LHX4: variants seen among roughly 807,000 people sequenced by gnomAD.
LHX4 encodes the protein LIM homeobox 4.
A neutral mutation model predicts 39.2 loss-of-function variants in LHX4; 16 were observed. The observed-to-expected ratio is 0.41, with a 90% CI of 0.28 to 0.62. The LOEUF is 0.62. LHX4 is among the 20% of genes least tolerant of loss of function. The pLI is 0.33. For missense variants in LHX4, 439 were observed against 511.9 expected (o/e 0.86, Z 1.37); for synonymous variants, 206 against 198.1 (o/e 1.04, Z -0.33).
rs373681851 is a variant in LHX4 at position 180,230,504 on chromosome 1, T to C, written c.-26T>C. 19 of 1,600,266 alleles carry C rather than the reference T, an allele frequency of 1.2e-5. No individual in the cohort carries two copies. In the African/African-American group the frequency reaches 2.5e-4, roughly 21 times the overall value. On this transcript the variant is annotated 5_prime_UTR_variant, in exon 1 of 6. Transcript: ENST00000263726. The surrounding 1 kb of genome is among the most constrained non-coding windows in gnomAD (Gnocchi z 5.8). ...GAGAGAGCGAGAGATCTCCGTAGACTGCGACTCGCTGGCTTTCGCTCCGAG... is the reference window on the plus strand; with the variant it reads ...GAGAGAGCGAGAGATCTCCGTAGACCGCGACTCGCTGGCTTTCGCTCCGAG...
At chr1:180,247,528 A>C (rs1402451890) in intron 1 of LHX4, among the ~76,000 whole-genome samples, 1 of 152,172 alleles carries the variant, frequency 6.6e-6, no homozygotes, top group Non-Finnish European at 1.5e-5. Flanking sequence ...CCCCTCAGCT[A>C]TCCTGACATT....
At chr1:180,268,501 G>A (rs899746249) in intron 3 of LHX4, among the ~76,000 whole-genome samples, 6 of 152,200 alleles carry the variant, frequency 3.9e-5, no homozygotes, top group Non-Finnish European at 8.8e-5. Context: ...TCAGAAGCTG[G>A]CTGGGCATCC....
At chr1:180,231,069 C>T (rs920284213) in intron 1 of LHX4, among the ~76,000 whole-genome samples, 1 of 152,062 alleles carries the variant, frequency 6.6e-6, no homozygotes, top group African/African-American at 2.4e-5. Context: ...GGCGGAGAAG[C>T]CCCGGCCACA....
At chr1:180,269,360 A>AT (rs1405494029) in intron 3 of LHX4, among the ~76,000 whole-genome samples, 2 of 152,010 alleles carry the variant, frequency 1.3e-5, no homozygotes, top group Admixed American at 1.3e-4. Context: ...TTTTGGGTAC[A>AT]TTTTTCAGCA....
upstream of LHX4, among the ~76,000 whole-genome samples, chr1:180,229,965 G>GGGGGGGGC (rs1558204928): frequency 0.033 from 406 of 12,144 alleles, 38 homozygotes; most frequent in Middle Eastern, 0.17. Context: ...GAGGCGGGGA[G>GGGGGGGGC]GGGGGGGGGG....
In LHX4 at chr1:180,271,484, G is replaced by T; in HGVS notation, c.556G>T (p.Val186Leu). The change falls in exon 4 of 6, where the codon GTG (valine) becomes TTG (leucine). Residue 186 changes from valine (V) to leucine (L), a missense_variant. Coordinates refer to ENST00000263726, the MANE Select transcript of LHX4 (RefSeq NM_033343.4). ...GAACTCCCCCAAGCCTGCCCGGCAC[G>T]TGAGGGAGCAGCTGTCCTCAGAGAC... ...YKNSPKPARHVREQLSSETGL... is the reference protein window; with the variant it reads ...YKNSPKPARHLREQLSSETGL... 1 of 1,614,174 alleles carries T rather than the reference G, an allele frequency of 6.2e-7. No individual in the cohort carries two copies. Among genetic ancestry groups the T allele is most frequent in the Non-Finnish European group, 8.5e-7 (1 of 1,180,032 alleles).
intron 2 of LHX4, among the ~76,000 whole-genome samples, chr1:180,259,128 GAGGAGC>G (rs1334651331): frequency 1.3e-5 from 2 of 152,020 alleles, no homozygotes; most frequent in East Asian, 1.9e-4. Context: ...GTGGGAGGAG[GAGGAGC>G]AGGAGCAGAG....
chr1:180,242,999 T>C (rs1341094366), intron 1 of LHX4, among the ~76,000 whole-genome samples: 1 of 152,184 alleles, frequency 6.6e-6, no homozygotes, highest in Non-Finnish European at 1.5e-5. Context: ...TACAACTTTC[T>C]TTCTTTTCTT....
Position 180,271,441 on chromosome 1 carries a change from A to C in LHX4, c.513A>C (p.Thr171=). The C allele has an allele frequency of 6.2e-7, 1 of 1,614,172 alleles. No individual in the cohort carries two copies. Among genetic ancestry groups the C allele is most frequent in the Non-Finnish European group, 8.5e-7 (1 of 1,180,020 alleles). ...CCATCACAGCCAAGCAGCTGGAGAC[A>C]TTAAAGAATGCATACAAGAACTCCC... The part of the protein sequence containing the change: ...RTTITAKQLE[T]LKNAYKNSPK... The change falls in exon 4 of 6, where the codon ACA becomes ACC. Residue 171 remains threonine, a synonymous_variant. Coordinates refer to ENST00000263726, the MANE Select transcript of LHX4 (RefSeq NM_033343.4).
rs1045811187 is a variant in LHX4, at chr1:180,232,533, C to A, written c.76+1928C>A. 2.6e-5 allele frequency among the ~76,000 whole-genome samples: 4 copies of A among 152,300 alleles called. No individual in the cohort carries two copies. The East Asian group carries it at 7.7e-4, about 29-fold the overall frequency. On this transcript the variant is annotated intron_variant, in intron 1 of 5. Transcript: ENST00000263726. This position sits in a 1 kb window ranked among gnomAD's most constrained non-coding sequence, Gnocchi z 5.4. Reference sequence around the variant, plus strand: ...CAAAGGAACTTCCACACCCACCCCCCCAGGGTGGCCCAGGGAGGCAATGTC... The same window carrying A: ...CAAAGGAACTTCCACACCCACCCCCACAGGGTGGCCCAGGGAGGCAATGTC...
At chr1:180,242,500 A>G (rs548956821) in intron 1 of LHX4, among the ~76,000 whole-genome samples, 24 of 151,826 alleles carry the variant, frequency 1.6e-4, no homozygotes, top group African/African-American at 4.6e-4. Context: ...ATCTGTGTGT[A>G]TATATATATA....
intron 4 of LHX4, 100 bp from the exon 5 acceptor site, chr1:180,271,735 C>G: frequency 7.1e-7 from 1 of 1,404,444 alleles, no homozygotes; most frequent in East Asian, 2.3e-5. Flanking sequence ...GTGCTCCATT[C>G]AGGCTTCAGT....
Position 180,230,651 on chromosome 1 carries a change from T to TAGCA in LHX4, c.76+47_76+50dup. On this transcript the variant is annotated intron_variant, in intron 1 of 5. Transcript: ENST00000263726. The surrounding 1 kb of genome is among the most constrained non-coding windows in gnomAD (Gnocchi z 5.8). ...GCTGATTTAATTCTAACAAGACAGC[T>TAGCA]AGCAGCCTCAGCCGCTGCGGGGCGG... The TAGCA allele has an allele frequency of 6.4e-7, 1 of 1,551,360 alleles. No individual in the cohort carries two copies. The highest frequency in any genetic ancestry group is 1.1e-5 in the South Asian group (1 of 89,366).
chr1:180,235,647 T>A (rs1664298114), intron 1 of LHX4, among the ~76,000 whole-genome samples: 1 of 152,188 alleles, frequency 6.6e-6, no homozygotes, highest in South Asian at 2.1e-4. Context: ...CGCAGCTTAG[T>A]GGACCTTGAC....
chr1:180,248,413 T>G lies in LHX4; in HGVS notation c.205T>G (p.Phe69Val). 1 of 1,614,230 alleles carries G rather than the reference T, an allele frequency of 6.2e-7. No homozygotes were observed. Among genetic ancestry groups the G allele is most frequent in the Non-Finnish European group, 8.5e-7 (1 of 1,180,042 alleles). Residue 69 changes from phenylalanine (F) to valine (V), a missense_variant, in exon 2 of 6, where the codon TTC becomes GTC. Phe to Val is a conservative substitution (Grantham distance 50, BLOSUM62 -1). Transcript: ENST00000263726. ...CCAGATGCAGCTGGCGGACAGGTGC[T>G]TCTCCAGGGCTGGGAGCGTCTACTG... ...DCQMQLADRC[F>V]SRAGSVYCKE...
At position 180,276,913 on chromosome 1, in the gene LHX4, TA is replaced by T. The variant is rs1306910124; in HGVS notation, c.*2335del. On this transcript the variant is annotated 3_prime_UTR_variant, in exon 6 of 6. Transcript: ENST00000263726. ...TTGACCAGTTTTTGTAAGTTAATCA[TA>T]CTAATTCCCAGTTCAATAGTGGAAG... 2 of 152,156 alleles carry T rather than the reference TA, an allele frequency of 1.3e-5. No homozygotes were observed. Among genetic ancestry groups the T allele is most frequent in the African/African-American group, 4.8e-5 (2 of 41,410 alleles). The allele number at this position is 152,156 out of a possible 1,614,324, so 9.4% of individuals were successfully genotyped here.
rs777438399 is a variant in LHX4, at chr1:180,234,169, T to TTATATATATA, written c.76+3607_76+3616dup. Among the ~76,000 whole-genome samples the TTATATATATA allele has an allele frequency of 2.0e-3, 108 of 53,534 alleles. 3 individuals are homozygous for TTATATATATA. Among genetic ancestry groups the TTATATATATA allele is most frequent in the Non-Finnish European group, 2.8e-3 (81 of 28,438 alleles). The allele number at this position is 53,534 out of a possible 152,430, so 35.1% of individuals were successfully genotyped here. ...AACAGACACACACAACACACACAAATTATATATATATATATATATATATAT... is the reference window on the plus strand; with the variant it reads ...AACAGACACACACAACACACACAAATTATATATATATATATATATATATATATATATATAT... On this transcript the variant is annotated intron_variant, in intron 1 of 5. Transcript: ENST00000263726. The surrounding 1 kb of genome is among the most constrained non-coding windows in gnomAD (Gnocchi z 4.8).
intron 3 of LHX4, among the ~76,000 whole-genome samples, chr1:180,268,904 T>C (rs1297299707): frequency 6.6e-6 from 1 of 152,186 alleles, no homozygotes; most frequent in East Asian, 1.9e-4. Context: ...CTTGCTACTC[T>C]CAGCCCTCCT....
intron 1 of LHX4, among the ~76,000 whole-genome samples, chr1:180,245,468 G>A (rs1647349203): frequency 6.6e-6 from 1 of 152,238 alleles, no homozygotes; most frequent in Non-Finnish European, 1.5e-5. Flanking sequence ...GGGGCAGACA[G>A]GCATGGCCCC....
Sources: gnomAD v4.1 joint callset for allele counts (sites outside exome capture counted in the v4.1 genomes callset) on GRCh38, gnomAD v4.1.1 for gene constraint, Gnocchi (gnomAD v3.1) non-coding constraint, MANE v1.5 for transcripts, NCBI Gene and HGNC (gene_info 2026-07-23, HGNC 2026-07-21) for gene names.